Variants in OFD1 observed in about 807,000 individuals in gnomAD.
OFD1 encodes OFD1 centriole and centriolar satellite protein.
OFD1 carries 12 observed loss-of-function variants against 81.4 expected under a neutral mutation model. That is an observed-to-expected ratio of 0.15 (90% CI 0.09 to 0.24). The LOEUF (loss-of-function observed/expected upper bound fraction) is 0.24. OFD1 is among the 10% of genes least tolerant of loss of function. The probability of loss-of-function intolerance (pLI) is 1.00; values close to 1 mark genes in which losing one functional copy is unlikely to be tolerated. For synonymous variants in OFD1, 256 were observed against 263.7 expected (o/e 0.97, Z 0.28); for missense variants, 685 against 733.9 (o/e 0.93, Z 0.77).
chrX:13,772,075 TAGTTATGATATAAATTCTTAGAAATTTAA>T (rs1209440163), downstream of OFD1: 2 of 112,296 alleles, frequency 1.8e-5, no homozygotes, highest in Non-Finnish European at 3.8e-5. Flanking sequence ...TTTGGGTCTC[TAGTTATGATATAAATTCTTAGAAATTTAA>T]AGCAAATACT....
chrX:13,766,363 A>C (rs1315129530), intron 19 of OFD1, among the ~76,000 whole-genome samples: 3 of 111,420 alleles, frequency 2.7e-5, no homozygotes, highest in African/African-American at 9.8e-5. Flanking sequence ...GGGAGTGTGA[A>C]CCTGCAAACA....
chrX:13,717,768 T>C, the OFD1 span, among the ~76,000 whole-genome samples: 1 of 111,758 alleles, frequency 8.9e-6, no homozygotes, highest in Non-Finnish European at 1.9e-5. Flanking sequence ...TTTCAAAGAA[T>C]ACCTGTTATG....
chrX:13,733,979 C>G (rs2046744778), upstream of OFD1: 1 of 508,750 alleles, frequency 2.0e-6, no homozygotes, highest in African/African-American at 2.3e-5. Flanking sequence ...TTTTCATTAT[C>G]GCTTCTGAGA....
intron 7 of OFD1, 137 bp from the exon 8 acceptor site, chrX:13,746,642 GT>G: frequency 1.5e-6 from 1 of 683,853 alleles, no homozygotes. Flanking sequence ...TACAAATAGA[GT>G]GAATGAGATA....
At chrX:13,757,633 A>ATTT in intron 13 of OFD1, 27 bp from the exon 14 acceptor site, 2 of 1,116,945 alleles carry the variant, frequency 1.8e-6, no homozygotes, top group African/African-American at 1.9e-5. Flanking sequence ...AATGACTAGG[A>ATTT]TTTTTTTTTT....
chrX:13,734,769 C>G lies in OFD1; in HGVS notation c.-303C>G. 9.5e-7 allele frequency: 1 copy of G among 1,057,450 alleles called. No homozygotes were observed. Among genetic ancestry groups the G allele is most frequent in the Non-Finnish European group, 1.2e-6 (1 of 825,566 alleles). 87.1% of individuals were successfully genotyped at this position (1,057,450 alleles called of 1,213,427 possible). A position where few individuals can be genotyped will look rare whatever the true frequency, so the allele number is the denominator to read the frequency against. ...CCGGACTGGCTGTGAGGCGGTCCTG[C>G]CTCGCTGCCTTCAGTCCCTAGTGTC... On this transcript the variant is annotated 5_prime_UTR_variant, in exon 1 of 23. Coordinates refer to ENST00000340096, the MANE Select transcript of OFD1 (RefSeq NM_003611.3).
intron 20 of OFD1, 97 bp downstream of exon 20, chrX:13,767,381 G>GTC: frequency 1.1e-6 from 1 of 931,624 alleles, no homozygotes; most frequent in Non-Finnish European, 1.6e-6. Context: ...GGTGTACAAA[G>GTC]TCAGAGGTGC....
chrX:13,758,278 T>C, intron 14 of OFD1, 59 bp from the exon 15 acceptor site: 1 of 849,687 alleles, frequency 1.2e-6, no homozygotes, highest in East Asian at 3.1e-5. Flanking sequence ...ACTTTTCCTT[T>C]TGAAGCAAGC....
At chrX:13,771,853 C>CTAATT (rs2048304761), downstream of OFD1, 2 of 112,113 alleles carry the variant, frequency 1.8e-5, no homozygotes, top group Admixed American at 1.9e-4. Flanking sequence ...AATACCAACC[C>CTAATT]TAATTTAAAT....
Position 13,747,332 on chromosome X carries a change from T to G in OFD1, c.828+379T>G, listed in dbSNP as rs533933170. 1.2e-4 allele frequency among the ~76,000 whole-genome samples: 13 copies of G among 111,551 alleles called. No homozygotes were observed. The South Asian group carries it at 4.5e-3, about 39-fold the overall frequency. The stretch of plus-strand genomic sequence containing the variant: ...TAAAGCAGAGAGGACTGATCACCTG[T>G]ATTGAGGGCTCAGCTGTGGTTGGGG... On this transcript the variant is annotated intron_variant, in intron 8 of 22. Coordinates refer to ENST00000340096, the MANE Select transcript of OFD1 (RefSeq NM_003611.3).
Position 13,755,301 on chromosome X carries a change from TCATA to T in OFD1, c.1221+64_1221+67del, listed in dbSNP as rs1160845394. 16 of 835,603 alleles carry T rather than the reference TCATA, an allele frequency of 1.9e-5. No individual in the cohort carries two copies. In the African/African-American group the frequency reaches 3.2e-4, roughly 17 times the overall value. 68.9% of individuals were successfully genotyped at this position (835,603 alleles called of 1,213,427 possible). ...TTTTAAGCAATATATGAAATTTTAG[TCATA>T]CATAATTTATCCTAAGTCATCCTGT... On this transcript the variant is annotated intron_variant, in intron 12 of 22. Transcript: ENST00000340096.
intron 11 of OFD1, among the ~76,000 whole-genome samples, chrX:13,754,004 C>T (rs1205051656): frequency 1.9e-5 from 2 of 104,736 alleles, no homozygotes; most frequent in South Asian, 8.5e-4. Flanking sequence ...TTTTTTGAGA[C>T]GGAGTCTCGC....
chrX:13,748,476 G>C (rs147048770), intron 8 of OFD1, among the ~76,000 whole-genome samples: 2 of 112,498 alleles, frequency 1.8e-5, no homozygotes, highest in East Asian at 5.6e-4. Context: ...ATGTACTTCA[G>C]TTACAAAATC....
chrX:13,767,996 C>A (rs1014693893), intron 20 of OFD1, 58 bp from the exon 21 acceptor site: 2 of 1,104,126 alleles, frequency 1.8e-6, no homozygotes, highest in East Asian at 6.1e-5. Context: ...ATTTTTAAAA[C>A]ACTTAAAAGT....
rs59650333 is a variant in OFD1 at position 13,736,884 on chromosome X, G to T, written c.312+206G>T. Among the ~76,000 whole-genome samples the T allele has an allele frequency of 0.02, 2,218 of 112,248 alleles. 56 individuals carry two copies. Among genetic ancestry groups the T allele is most frequent in the African/African-American group, 0.069 (2,112 of 30,826 alleles). On this transcript the variant is annotated intron_variant, in intron 3 of 22. Transcript: ENST00000340096. ...AATTAATTTCTTGGCGTCTCATTTA[G>T]TCTCACATAAAACAGTGATGTATAG... is the stretch of plus-strand genomic sequence containing the variant.
the OFD1 span, among the ~76,000 whole-genome samples, chrX:13,725,152 T>C: frequency 8.9e-6 from 1 of 112,968 alleles, no homozygotes; most frequent in Non-Finnish European, 1.9e-5. Flanking sequence ...GCCTCTAGAC[T>C]CCACCTCTCT....
chrX:13,760,390 C>T lies in OFD1; in HGVS notation c.1930C>T (p.Arg644Cys), dbSNP rs185831378. The change falls in exon 16 of 23, where the codon CGC becomes TGC. Residue 644 changes from arginine (R) to cysteine (C), a missense_variant. Physicochemically the swap from Arg to Cys is radical, Grantham distance 180. This residue lies in a region of OFD1 where 12 missense variants were observed against 32.4 expected (regional missense o/e 0.37). Transcript: ENST00000340096. Reference protein sequence around the residue: ...RVKELQQEAERLEKAFRSYHR... With the variant: ...RVKELQQEAECLEKAFRSYHR... Reference sequence around the variant, plus strand: ...CAAAGAGCTTCAGCAAGAGGCCGAACGCTTGGAAAAGGCTTTCAGAAGTTA... The same window carrying T: ...CAAAGAGCTTCAGCAAGAGGCCGAATGCTTGGAAAAGGCTTTCAGAAGTTA... 96 of 1,207,208 alleles carry T rather than the reference C, an allele frequency of 8.0e-5. No individual in the cohort carries two copies. In the East Asian group the frequency reaches 2.1e-3, roughly 26 times the overall value.
chrX:13,725,144 C>T, the OFD1 span, among the ~76,000 whole-genome samples: 1 of 113,186 alleles, frequency 8.8e-6, no homozygotes, highest in East Asian at 2.8e-4. Context: ...AGCCTACTGC[C>T]TCTAGACTCC....
Position 13,736,636 on chromosome X carries a change from A to C in OFD1, c.270A>C (p.Ser90=), listed in dbSNP as rs372080814. The C allele has an allele frequency of 4.6e-5, 56 of 1,208,180 alleles. No homozygotes were observed. The highest frequency in any genetic ancestry group is 2.3e-4 in the Middle Eastern group (1 of 4,355). The change falls in exon 3 of 23, where the codon TCA becomes TCC. Residue 90 remains serine (S), a synonymous_variant. Transcript: ENST00000340096. ...DHLQRCGYEY[S]LSVFFPESGL... ...TACAAAGATGTGGCTATGAATATTC[A>C]CTTTCTGTTTTCTTTCCAGAAAGTG...
Sources: allele counts gnomAD v4.1 joint callset (sites outside exome capture counted in the v4.1 genomes callset), GRCh38; gene constraint gnomAD v4.1.1; regional missense constraint gnomAD v4.1.1; transcripts MANE v1.5; gene names NCBI Gene and HGNC (gene_info 2026-07-23, HGNC 2026-07-21).